The following CSNK1A1 variants were observed in gnomAD, a reference collection of about 807,000 sequenced individuals.
The protein encoded by CSNK1A1 is casein kinase I isoform alpha.
A neutral mutation model predicts 46.1 loss-of-function variants in CSNK1A1; 7 were observed. The ratio of observed to expected loss-of-function variants is 0.15; its 90% CI spans 0.09 to 0.29. The LOEUF is 0.29. Among genes scored for constraint, CSNK1A1 ranks in the 10% least tolerant of loss-of-function variants. The pLI, the probability that CSNK1A1 is intolerant of heterozygous loss-of-function variation, is 1.00. For synonymous variants in CSNK1A1, 137 were observed against 141.5 expected, an observed-to-expected ratio of 0.97 and a Z score of 0.23; for missense variants, 96 against 417.1, an observed-to-expected ratio of 0.23 and a Z score of 6.71.
At chr5:149,504,912 T>TA in intron 9 of CSNK1A1, 3 of 985,408 alleles carry the variant, frequency 3.0e-6, no homozygotes, top group Admixed American at 6.1e-5. Flanking sequence ...ACTGAGAAGA[T>TA]AGACACTTTG....
intron 4 of CSNK1A1, among the ~76,000 whole-genome samples, chr5:149,514,321 C>T (rs1761331713): frequency 1.3e-5 from 2 of 151,990 alleles, no homozygotes; most frequent in Non-Finnish European, 2.9e-5. Context: ...GAACTTAAGC[C>T]TTTTATAAGT....
chr5:149,533,675 C>CA (rs200137063), intron 2 of CSNK1A1, among the ~76,000 whole-genome samples: 11,355 of 134,336 alleles, frequency 0.085, 1,189 homozygotes, highest in East Asian at 0.49. Flanking sequence ...GACGTAGTTG[C>CA]AAAAAAAAAA....
chr5:149,507,394 G>A (rs1287944883), intron 7 of CSNK1A1, among the ~76,000 whole-genome samples: 1 of 151,398 alleles, frequency 6.6e-6, no homozygotes, highest in Non-Finnish European at 1.5e-5. Context: ...ACAGTACTAT[G>A]TTCTTAAATA....
At chr5:149,548,428 G>A (rs1254244778) in intron 2 of CSNK1A1, among the ~76,000 whole-genome samples, 1 of 151,664 alleles carries the variant, frequency 6.6e-6, no homozygotes, top group Admixed American at 6.6e-5. Context: ...TTAGCCAGGC[G>A]TAGTAGTGCA....
At chr5:149,504,033 C>T (rs942385704) in intron 9 of CSNK1A1, 4 of 985,274 alleles carry the variant, frequency 4.1e-6, no homozygotes, top group Admixed American at 6.2e-5. Flanking sequence ...TTTTCAGTGA[C>T]ATTAGCTACA....
intron 2 of CSNK1A1, among the ~76,000 whole-genome samples, chr5:149,546,925 A>C (rs964565099): frequency 6.6e-6 from 1 of 152,202 alleles, no homozygotes; most frequent in Admixed American, 6.5e-5. Flanking sequence ...CCAAATAAAG[A>C]ATGTTTACAT....
At chr5:149,506,312 C>T (rs986347173) in intron 8 of CSNK1A1, among the ~76,000 whole-genome samples, 3 of 152,148 alleles carry the variant, frequency 2.0e-5, no homozygotes, top group Non-Finnish European at 2.9e-5. Flanking sequence ...TCTCAGCTGA[C>T]TGCAACCTCC....
At chr5:149,499,366 G>T in intron 9 of CSNK1A1, 1 of 609,202 alleles carries the variant, frequency 1.6e-6, no homozygotes, top group Non-Finnish European at 2.1e-6. Flanking sequence ...GAAGTTAATA[G>T]CTTAATTAAA....
At chr5:149,513,347 G>C in intron 4 of CSNK1A1, 138 bp from the exon 5 acceptor site, 1 of 802,620 alleles carries the variant, frequency 1.2e-6, no homozygotes, top group Non-Finnish European at 1.9e-6. Context: ...AACAGATAAT[G>C]AACAGACTTA....
chr5:149,505,718 G>T, intron 8 of CSNK1A1, 123 bp from the exon 9 acceptor site: 2 of 764,540 alleles, frequency 2.6e-6, no homozygotes, highest in African/African-American at 1.8e-5. Flanking sequence ...AAGTGTGGCA[G>T]CTTCTAAAAT....
chr5:149,549,644 A>C (rs1223713716), intron 2 of CSNK1A1: 1 of 644,094 alleles, frequency 1.6e-6, no homozygotes, highest in African/African-American at 1.8e-5. Flanking sequence ...AAAACACAAC[A>C]AAAGAGCAGC....
chr5:149,498,201 T>C, intron 9 of CSNK1A1: 1 of 985,202 alleles, frequency 1.0e-6, no homozygotes, highest in Non-Finnish European at 1.2e-6. Flanking sequence ...ATAATTCTAA[T>C]ATTTATTTCT....
chr5:149,540,036 A>G (rs763504075), intron 2 of CSNK1A1, among the ~76,000 whole-genome samples: 46 of 152,214 alleles, frequency 3.0e-4, no homozygotes, highest in Admixed American at 2.2e-3. Context: ...AACATTACAA[A>G]TAAATAAAAG....
Position 149,517,573 on chromosome 5 carries a change from C to T in CSNK1A1, c.456+2717G>A, listed in dbSNP as rs1360079433. Among the ~76,000 whole-genome samples, 3 of 152,188 alleles carry T rather than the reference C, an allele frequency of 2.0e-5. No homozygotes were observed. The highest frequency in any genetic ancestry group is 4.2e-4 in the South Asian group (2 of 4,814). On this transcript the variant is annotated intron_variant, in intron 4 of 9. Coordinates refer to ENST00000377843, the MANE Select transcript of CSNK1A1 (RefSeq NM_001892.6). This position sits in a 1 kb window ranked among gnomAD's most constrained non-coding sequence, Gnocchi z 4.4. Reference sequence around the variant, plus strand: ...AACATAATATCCTATTTTCATTTAGCTTTTTTCTAAACTTTATAAGTTTTA... The same window carrying T: ...AACATAATATCCTATTTTCATTTAGTTTTTTTCTAAACTTTATAAGTTTTA...
chr5:149,510,264 A>G (rs990563406), intron 6 of CSNK1A1, among the ~76,000 whole-genome samples: 1 of 151,806 alleles, frequency 6.6e-6, no homozygotes, highest in African/African-American at 2.4e-5. Context: ...TTCTTTCTAT[A>G]TATTTTTTTA....
At chr5:149,497,616 G>C (rs774119440) in intron 9 of CSNK1A1, 755 of 985,304 alleles carry the variant, frequency 7.7e-4, no homozygotes, top group Non-Finnish European at 8.4e-4. Context: ...TAAAGGCAAA[G>C]GGAGAAAATA....
rs926396266 is a variant in CSNK1A1 at position 149,542,914 on chromosome 5, C to T, written c.230+7161G>A. On this transcript the variant is annotated intron_variant, in intron 2 of 9. Transcript: ENST00000377843. The stretch of plus-strand genomic sequence containing the variant: ...TTCACCATGTTGGCCAGCCTGGTTT[C>T]GAACTCCTGACCTCAGGTGATCCGC... Among the ~76,000 whole-genome samples the T allele has an allele frequency of 6.0e-5, 9 of 150,828 alleles. No individual in the cohort carries two copies. In the East Asian group the frequency reaches 9.8e-4, roughly 16 times the overall value.
intron 2 of CSNK1A1, among the ~76,000 whole-genome samples, chr5:149,536,221 AG>A (rs1467630797): frequency 6.6e-6 from 1 of 152,088 alleles, no homozygotes; most frequent in Non-Finnish European, 1.5e-5. Flanking sequence ...CCAAAGTGCT[AG>A]GATTACAGGA....
intron 3 of CSNK1A1, among the ~76,000 whole-genome samples, 184 bp from the exon 4 acceptor site, chr5:149,520,572 G>A (rs1761536351): frequency 6.6e-6 from 1 of 152,220 alleles, no homozygotes. Flanking sequence ...GCATATACCT[G>A]CTGTGTCCTT....
Sources: gnomAD v4.1 joint callset for allele counts (sites outside exome capture counted in the v4.1 genomes callset) on GRCh38, gnomAD v4.1.1 for gene constraint, Gnocchi (gnomAD v3.1) non-coding constraint, MANE v1.5 for transcripts, NCBI Gene and HGNC (gene_info 2026-07-23, HGNC 2026-07-21) for gene names.